GALNTL6: variants seen among roughly 807,000 people sequenced by gnomAD.
GALNTL6 encodes polypeptide N-acetylgalactosaminyltransferase like 6.
Under a neutral mutation model 73.7 loss-of-function variants are expected in GALNTL6, and 46 were observed. The observed-to-expected ratio is 0.62, with a 90% CI of 0.49 to 0.80. The LOEUF is 0.80. Among genes scored for constraint, GALNTL6 ranks in the 30% least tolerant of loss-of-function variants. The pLI, the probability that GALNTL6 is intolerant of heterozygous loss-of-function variation, is 0.00. For missense variants in GALNTL6, 604 were observed against 755.0 expected, an observed-to-expected ratio of 0.80 and a Z score of 2.34; for synonymous variants, 259 against 263.7, an observed-to-expected ratio of 0.98 and a Z score of 0.17.
rs531158302 is a variant in GALNTL6, at chr4:172,397,390, G to A, written c.553+48701G>A. Among the ~76,000 whole-genome samples the A allele has an allele frequency of 3.1e-4, 47 of 152,134 alleles. No individual in the cohort carries two copies. In the South Asian group the frequency reaches 8.1e-3, roughly 26 times the overall value. The stretch of plus-strand genomic sequence containing the variant: ...TTTGCCTAACAGTTGTAATGTTAGC[G>A]TGCATAATCATTGAAACACTGGGAG... On this transcript the variant is annotated intron_variant, in intron 5 of 12. Coordinates refer to ENST00000506823, the MANE Select transcript of GALNTL6 (RefSeq NM_001034845.3).
At position 172,341,463 on chromosome 4, in the gene GALNTL6, A is replaced by G. The variant is rs940204865; in HGVS notation, c.387-7060A>G. Among the ~76,000 whole-genome samples the G allele has an allele frequency of 3.3e-3, 497 of 150,388 alleles. 5 individuals carry two copies. The highest frequency in any genetic ancestry group is 9.0e-3 in the African/African-American group (371 of 41,100). ...GAGACTCCGTCTCAAAAAAAAAAAA[A>G]AAAAAAAAAAAAAATGTAGTTGTTT... On this transcript the variant is annotated intron_variant, in intron 4 of 12. Transcript: ENST00000506823.
At chr4:172,561,058 C>T (rs4247208) in intron 5 of GALNTL6, among the ~76,000 whole-genome samples, 2 of 151,078 alleles carry the variant, frequency 1.3e-5, no homozygotes, top group African/African-American at 4.9e-5. Flanking sequence ...TCGAGACCAT[C>T]CTGGCTAACA....
chr4:172,533,420 G>C (rs1735238696), intron 5 of GALNTL6, among the ~76,000 whole-genome samples: 1 of 123,476 alleles, frequency 8.1e-6, no homozygotes. Context: ...CGCCTCCCCA[G>C]TTCAAGCGAT....
intron 5 of GALNTL6, among the ~76,000 whole-genome samples, chr4:172,690,935 A>G (rs1486428926): frequency 2.6e-5 from 4 of 152,214 alleles, no homozygotes; most frequent in Non-Finnish European, 5.9e-5. Flanking sequence ...TAGAGGGAGT[A>G]TTGTAGAAAT....
At chr4:172,907,508 C>T (rs369945808) in intron 8 of GALNTL6, among the ~76,000 whole-genome samples, 2 of 152,288 alleles carry the variant, frequency 1.3e-5, no homozygotes, top group African/African-American at 4.8e-5. Flanking sequence ...ATCATCTCTA[C>T]AGATAACATA....
rs564561754 is a variant in GALNTL6 at position 172,404,928 on chromosome 4, G to T, written c.553+56239G>T. ...GCTAATGCCAGGTTGGCTCCATTGT[G>T]ACAATGGCTCATTAGTACATTAGCA... On this transcript the variant is annotated intron_variant, in intron 5 of 12. Coordinates refer to ENST00000506823, the MANE Select transcript of GALNTL6 (RefSeq NM_001034845.3). Among the ~76,000 whole-genome samples the T allele has an allele frequency of 2.6e-5, 4 of 152,136 alleles. No homozygotes were observed. In the East Asian group the frequency reaches 7.7e-4, roughly 29 times the overall value.
intron 2 of GALNTL6, among the ~76,000 whole-genome samples, chr4:171,840,536 C>A (rs1484908236): frequency 5.9e-5 from 9 of 152,192 alleles, no homozygotes; most frequent in African/African-American, 2.2e-4. Flanking sequence ...ATCATTCTTA[C>A]AAAAGCCAAT....
At chr4:172,080,433 C>A (rs1731845461) in intron 2 of GALNTL6, among the ~76,000 whole-genome samples, 1 of 152,058 alleles carries the variant, frequency 6.6e-6, no homozygotes, top group African/African-American at 2.4e-5. Context: ...CAAAGTGCTG[C>A]AATTACAGGC....
At chr4:172,375,573 A>T (rs1216822069) in intron 5 of GALNTL6, among the ~76,000 whole-genome samples, 2 of 152,198 alleles carry the variant, frequency 1.3e-5, no homozygotes, top group Non-Finnish European at 2.9e-5. Flanking sequence ...TCACCAACAC[A>T]GCAGCAGAAA....
chr4:172,085,109 CTAAA>C (rs1731991889), intron 2 of GALNTL6, among the ~76,000 whole-genome samples: 1 of 151,860 alleles, frequency 6.6e-6, no homozygotes, highest in Non-Finnish European at 1.5e-5. Flanking sequence ...AGGAAAAAAT[CTAAA>C]TATATAGTAA....
intron 3 of GALNTL6, among the ~76,000 whole-genome samples, chr4:172,289,338 A>G (rs781505695): frequency 9.2e-5 from 14 of 152,176 alleles, no homozygotes; most frequent in Non-Finnish European, 1.9e-4. Context: ...ACTACAGTCC[A>G]AGTGACCTTC....
intron 8 of GALNTL6, among the ~76,000 whole-genome samples, chr4:172,903,514 CAATT>C (rs1188155024): frequency 2.6e-5 from 4 of 152,140 alleles, no homozygotes; most frequent in African/African-American, 9.7e-5. Flanking sequence ...ACATAAACAT[CAATT>C]AAGTAGGAAA....
intron 2 of GALNTL6, among the ~76,000 whole-genome samples, chr4:171,873,677 A>C (rs1442805339): frequency 1.3e-5 from 2 of 152,154 alleles, no homozygotes; most frequent in African/African-American, 4.8e-5. Context: ...CTTTATAAGT[A>C]ATTATCTCAA....
intron 5 of GALNTL6, among the ~76,000 whole-genome samples, chr4:172,438,053 T>G (rs1185956151): frequency 6.6e-6 from 1 of 152,148 alleles, no homozygotes; most frequent in Admixed American, 6.6e-5. Flanking sequence ...TCTCCCACTA[T>G]TTCTACTAAT....
At chr4:172,977,265 T>C (rs1199857168) in intron 10 of GALNTL6, among the ~76,000 whole-genome samples, 1 of 152,250 alleles carries the variant, frequency 6.6e-6, no homozygotes, top group African/African-American at 2.4e-5. Context: ...CTCCATCCTA[T>C]GGACAGCCCT....
Position 172,980,642 on chromosome 4 carries a change from G to A in GALNTL6, c.1371+28384G>A, listed in dbSNP as rs557728544. On this transcript the variant is annotated intron_variant, in intron 10 of 12. Transcript: ENST00000506823. ...TGTGCATATGCTGGGTTTGGCGGGC[G>A]AGGGGAAAAGACCCCTCTTCCTTCC... is the stretch of plus-strand genomic sequence containing the variant. Among the ~76,000 whole-genome samples, 6 of 152,242 alleles carry A rather than the reference G, an allele frequency of 3.9e-5. No homozygotes were observed. In the East Asian group the frequency reaches 5.8e-4, roughly 15 times the overall value.
intron 5 of GALNTL6, among the ~76,000 whole-genome samples, chr4:172,397,597 A>ATTT (rs1743894988): frequency 6.6e-6 from 1 of 150,474 alleles, no homozygotes; most frequent in Admixed American, 6.6e-5. Context: ...TTATTTATTT[A>ATTT]AAATGGAGTC....
chr4:172,503,686 C>T (rs894340659), intron 5 of GALNTL6, among the ~76,000 whole-genome samples: 1 of 151,108 alleles, frequency 6.6e-6, no homozygotes, highest in South Asian at 2.1e-4. Context: ...GTGAATTCAA[C>T]AATGTACAGA....
intron 5 of GALNTL6, among the ~76,000 whole-genome samples, chr4:172,662,687 G>A (rs1196439245): frequency 6.6e-6 from 1 of 152,176 alleles, no homozygotes; most frequent in African/African-American, 2.4e-5. Flanking sequence ...TGCTTATGAG[G>A]TGTCCAGCTA....
Sources: gnomAD v4.1 joint callset for allele counts (sites outside exome capture counted in the v4.1 genomes callset) on GRCh38, gnomAD v4.1.1 for gene constraint, MANE v1.5 for transcripts, NCBI Gene and HGNC (gene_info 2026-07-23, HGNC 2026-07-21) for gene names.